The following PCDH15 variants were observed in gnomAD, a reference collection of about 807,000 sequenced individuals.
The protein encoded by PCDH15 is protocadherin-15.
A neutral mutation model predicts 178.5 loss-of-function variants in PCDH15; 129 were observed. The ratio of observed to expected loss-of-function variants is 0.72; its 90% confidence interval spans 0.63 to 0.84. The LOEUF (loss-of-function observed/expected upper bound fraction) is 0.84. Among genes scored for constraint, PCDH15 ranks in the 40% least tolerant of loss-of-function variants. The probability of loss-of-function intolerance (pLI) is 0.00; values close to 1 mark genes in which losing one functional copy is unlikely to be tolerated. For missense variants in PCDH15, 2,230 were observed against 2,099.9 expected, an observed-to-expected ratio of 1.06 and a Z score of -1.21; for synonymous variants, 800 against 732.0, an observed-to-expected ratio of 1.09 and a Z score of -1.50.
In PCDH15 at chr10:55,027,900, C is replaced by A. The variant is rs1840515593; in HGVS notation, c.-79-130400G>T. 2.0e-5 allele frequency among the ~76,000 whole-genome samples: 3 copies of A among 151,694 alleles called. No individual in the cohort carries two copies. In the South Asian group the frequency reaches 6.2e-4, roughly 31 times the overall value. ...CAAATAATTATTAAGTGAATTTCTT[C>A]CTATTCAATCTTGTGTTAAGTATTG... is the stretch of plus-strand genomic sequence containing the variant. On this transcript the variant is annotated intron_variant, in intron 2 of 5. Transcript: ENST00000458638.
chr10:54,352,038 G>A (rs975974739), intron 5 of PCDH15, among the ~76,000 whole-genome samples: 5 of 152,142 alleles, frequency 3.3e-5, no homozygotes, highest in African/African-American at 1.2e-4. Context: ...TATATTTGGT[G>A]ATTAGAAAAT....
intron 1 of PCDH15, among the ~76,000 whole-genome samples, chr10:55,230,438 T>C (rs1841181352): frequency 6.6e-6 from 1 of 152,094 alleles, no homozygotes; most frequent in Non-Finnish European, 1.5e-5. Flanking sequence ...ATTTACTCAG[T>C]GGATTAAGCA....
At chr10:53,878,508 A>G (rs542701838) in intron 26 of PCDH15, among the ~76,000 whole-genome samples, 1 of 137,870 alleles carries the variant, frequency 7.3e-6, no homozygotes, top group Admixed American at 7.2e-5. Flanking sequence ...TATTATATAT[A>G]TACGTGTGTG....
chr10:54,201,607 T>A (rs1389290310), intron 10 of PCDH15, among the ~76,000 whole-genome samples: 1 of 152,140 alleles, frequency 6.6e-6, no homozygotes, highest in African/African-American at 2.4e-5. Context: ...CAATCCCTGG[T>A]ATATGGAAGA....
chr10:54,900,332 A>T (rs1004752880), intron 2 of PCDH15, among the ~76,000 whole-genome samples: 2 of 152,202 alleles, frequency 1.3e-5, no homozygotes, highest in Non-Finnish European at 2.9e-5. Context: ...TGTAAAAAAA[A>T]GAAGGTTGTG....
intron 5 of PCDH15, among the ~76,000 whole-genome samples, chr10:54,362,820 T>C (rs970381439): frequency 6.6e-6 from 1 of 152,118 alleles, no homozygotes; most frequent in Non-Finnish European, 1.5e-5. Context: ...AATTTCTCTC[T>C]AATGTTTTAT....
intron 3 of PCDH15, among the ~76,000 whole-genome samples, chr10:54,383,664 T>TGTGTGTGTGTG (rs71007843): frequency 6.7e-6 from 1 of 149,982 alleles, no homozygotes; most frequent in African/African-American, 2.4e-5. Flanking sequence ...TGTGTGTGTG[T>TGTGTGTGTGTG]TTCAACATAA....
intron 3 of PCDH15, among the ~76,000 whole-genome samples, chr10:54,458,185 TAG>T (rs1226507200): frequency 6.6e-6 from 1 of 152,180 alleles, no homozygotes; most frequent in Non-Finnish European, 1.5e-5. Context: ...GTTTATTCCA[TAG>T]AGTCTCTATT....
intron 2 of PCDH15, among the ~76,000 whole-genome samples, chr10:54,613,791 C>G (rs1004259323): frequency 6.6e-6 from 1 of 151,566 alleles, no homozygotes; most frequent in Non-Finnish European, 1.5e-5. Flanking sequence ...ATCAAAGTGG[C>G]AAATGGTTTC....
At chr10:55,124,192 T>C (rs1837842751) in intron 2 of PCDH15, among the ~76,000 whole-genome samples, 1 of 152,156 alleles carries the variant, frequency 6.6e-6, no homozygotes, top group African/African-American at 2.4e-5. Flanking sequence ...AGGCTATATA[T>C]ATTTAAATAG....
chr10:54,115,033 C>T lies in PCDH15; in HGVS notation c.1917+17842G>A, dbSNP rs575193025. The stretch of plus-strand genomic sequence containing the variant: ...TGCAACTGACCACAAAAGGGCAGGG[C>T]GGTGGGCTGGAGCAGTCCAGTAGGG... On this transcript the variant is annotated intron_variant, in intron 15 of 37. Coordinates refer to ENST00000644397, the MANE Select transcript of PCDH15 (RefSeq NM_001384140.1). Among the ~76,000 whole-genome samples the T allele has an allele frequency of 7.2e-5, 11 of 152,148 alleles. No homozygotes were observed. In the East Asian group the frequency reaches 7.7e-4, roughly 11 times the overall value.
At chr10:54,844,308 C>T (rs2131755570) in intron 3 of PCDH15, among the ~76,000 whole-genome samples, 1 of 152,090 alleles carries the variant, frequency 6.6e-6, no homozygotes, top group African/African-American at 2.4e-5. Context: ...TTGTTAAAAT[C>T]AAGATACAGT....
intron 32 of PCDH15, chr10:53,824,997 C>T (rs1161095093): frequency 8.9e-7 from 1 of 1,124,950 alleles, no homozygotes; most frequent in Non-Finnish European, 1.1e-6. Flanking sequence ...GTGTGGAAGA[C>T]AAAACTTTCC....
At chr10:54,414,219 GAAT>G in intron 3 of PCDH15, among the ~76,000 whole-genome samples, 1 of 152,132 alleles carries the variant, frequency 6.6e-6, no homozygotes, top group African/African-American at 2.4e-5. Flanking sequence ...CTGAAGACTT[GAAT>G]CAAATGAAAG....
chr10:55,166,953 T>C (rs1839211192), intron 1 of PCDH15, among the ~76,000 whole-genome samples: 1 of 152,186 alleles, frequency 6.6e-6, no homozygotes, highest in Non-Finnish European at 1.5e-5. Flanking sequence ...ATATTTGGTA[T>C]GACCAGAGTC....
At chr10:54,414,519 T>C (rs1157577868) in intron 3 of PCDH15, among the ~76,000 whole-genome samples, 2 of 152,110 alleles carry the variant, frequency 1.3e-5, no homozygotes, top group African/African-American at 4.8e-5. Context: ...ATTACATTTA[T>C]TTTGAAATTA....
chr10:54,636,740 C>T (rs1027998946), intron 2 of PCDH15, among the ~76,000 whole-genome samples: 2 of 151,948 alleles, frequency 1.3e-5, no homozygotes, highest in African/African-American at 4.8e-5. Flanking sequence ...ACTGATATGA[C>T]AGAAGAGGCA....
chr10:54,760,647 T>C (rs11816859), intron 1 of PCDH15, among the ~76,000 whole-genome samples: 22,831 of 152,184 alleles, frequency 0.15, 2,017 homozygotes, highest in East Asian at 0.23. Context: ...AGTTCAATGA[T>C]CCATCCTTTG....
chr10:53,933,555 T>C (rs1376633806), intron 25 of PCDH15, among the ~76,000 whole-genome samples: 1 of 152,280 alleles, frequency 6.6e-6, no homozygotes, highest in Non-Finnish European at 1.5e-5. Context: ...TGCCACATTT[T>C]CTTAATCCAG....
Sources: allele counts gnomAD v4.1 joint callset (sites outside exome capture counted in the v4.1 genomes callset), GRCh38; gene constraint gnomAD v4.1.1; transcripts MANE v1.5; gene names NCBI Gene and HGNC (gene_info 2026-07-23, HGNC 2026-07-21).